PXDNL: variants seen among roughly 807,000 people sequenced by gnomAD.
The protein encoded by PXDNL is probable oxidoreductase PXDNL.
A neutral mutation model predicts 150.8 loss-of-function variants in PXDNL; 145 were observed. That is an observed-to-expected ratio of 0.96 (90% confidence interval 0.84 to 1.10). The LOEUF is 1.10. Ranked by LOEUF, PXDNL falls within the 50% of genes least tolerant of loss-of-function variation. PXDNL has a pLI of 0.00. For missense variants in PXDNL, 2,087 were observed against 1,873.9 expected, an observed-to-expected ratio of 1.11 and a Z score of -2.10; for synonymous variants, 757 against 725.7, an observed-to-expected ratio of 1.04 and a Z score of -0.69.
intron 1 of PXDNL, among the ~76,000 whole-genome samples, chr8:51,788,014 A>G (rs998068373): frequency 6.6e-6 from 1 of 152,246 alleles, no homozygotes; most frequent in African/African-American, 2.4e-5. Context: ...AATGATCATC[A>G]GCATGTTTTA....
In PXDNL at chr8:51,654,678, T is replaced by C. The variant is rs1411686724; in HGVS notation, c.236+11A>G. ...TTTTAGGAACCTTACAGATAAGCAA[T>C]AAGTACTCACAGTGTGTTCAAATTC... On this transcript the variant is annotated intron_variant, in intron 2 of 22. Transcript: ENST00000356297. The C allele has an allele frequency of 1.2e-6, 2 of 1,604,766 alleles. No homozygotes were observed. The highest frequency in any genetic ancestry group is 1.7e-6 in the Non-Finnish European group (2 of 1,172,228).
chr8:51,575,520 G>A (rs1007081899), intron 3 of PXDNL, among the ~76,000 whole-genome samples: 2 of 152,046 alleles, frequency 1.3e-5, no homozygotes, highest in African/African-American at 4.8e-5. Context: ...TTCTAGACCA[G>A]CTTGGCCAAT....
At chr8:51,566,978 T>C (rs1812842873) in intron 3 of PXDNL, among the ~76,000 whole-genome samples, 1 of 151,832 alleles carries the variant, frequency 6.6e-6, no homozygotes, top group Admixed American at 6.6e-5. Flanking sequence ...TGATGAGTTG[T>C]ATTTTTACTT....
intron 4 of PXDNL, among the ~76,000 whole-genome samples, chr8:51,518,522 G>A (rs768043665): frequency 6.6e-5 from 10 of 152,182 alleles, no homozygotes; most frequent in Non-Finnish European, 1.5e-4. Flanking sequence ...AAGTTGTCAG[G>A]TAAGATGTTA....
In PXDNL at chr8:51,608,002, G is replaced by GAAGAAAGAAAGAAA. The variant is rs1554557473; in HGVS notation, c.237-15318_237-15305dup. Among the ~76,000 whole-genome samples the GAAGAAAGAAAGAAA allele has an allele frequency of 2.6e-4, 17 of 64,678 alleles. 3 individuals are homozygous for GAAGAAAGAAAGAAA. The highest frequency in any genetic ancestry group is 1.3e-3 in the African/African-American group (16 of 12,026). The allele number at this position is 64,678 out of a possible 152,430, so 42.4% of individuals were successfully genotyped here. On this transcript the variant is annotated intron_variant, in intron 2 of 22. Transcript: ENST00000356297. Reference sequence around the variant, plus strand: ...GGAAGGAAGAGAGAGAGGAAGGAAGGAAGAAAGAAAGAAAGAAAGAAAGAA... The same window carrying GAAGAAAGAAAGAAA: ...GGAAGGAAGAGAGAGAGGAAGGAAGGAAGAAAGAAAGAAAAAGAAAGAAAGAAAGAAAGAAAGAA...
At chr8:51,468,022 T>A (rs1245531563) in intron 8 of PXDNL, among the ~76,000 whole-genome samples, 1 of 152,054 alleles carries the variant, frequency 6.6e-6, no homozygotes, top group African/African-American at 2.4e-5. Flanking sequence ...TAAATTGTAA[T>A]AAAAGAAAGG....
At chr8:51,723,638 G>C (rs779509653) in intron 1 of PXDNL, among the ~76,000 whole-genome samples, 50 of 152,292 alleles carry the variant, frequency 3.3e-4, no homozygotes, top group Middle Eastern at 3.4e-3. Context: ...GCAGTTCAGG[G>C]TCCCTATGTG....
intron 17 of PXDNL, among the ~76,000 whole-genome samples, chr8:51,382,006 T>C (rs1326849673): frequency 6.6e-6 from 1 of 152,168 alleles, no homozygotes; most frequent in Non-Finnish European, 1.5e-5. Context: ...GTTTGTTACA[T>C]ATGTATACAT....
intron 17 of PXDNL, 62 bp from the exon 18 acceptor site, chr8:51,374,793 T>G: frequency 6.5e-7 from 1 of 1,545,444 alleles, no homozygotes; most frequent in South Asian, 1.2e-5. Flanking sequence ...AAAATATTCC[T>G]TATGTGAATG....
chr8:51,761,192 T>C (rs1316884903), intron 1 of PXDNL, among the ~76,000 whole-genome samples: 6 of 152,020 alleles, frequency 3.9e-5, no homozygotes, highest in South Asian at 2.1e-4. Context: ...TTAAACTGTT[T>C]AGTATCTCCT....
At chr8:51,716,214 T>C (rs750506153) in intron 1 of PXDNL, among the ~76,000 whole-genome samples, 3 of 152,264 alleles carry the variant, frequency 2.0e-5, no homozygotes, top group Non-Finnish European at 4.4e-5. Flanking sequence ...GGCAAGATCC[T>C]AATGAACAAA....
chr8:51,495,959 C>G (rs1293252551), intron 5 of PXDNL, among the ~76,000 whole-genome samples: 1 of 152,074 alleles, frequency 6.6e-6, no homozygotes, highest in Admixed American at 6.6e-5. Context: ...ATACCAAAGC[C>G]TGGCAGAGAC....
At chr8:51,761,692 C>T (rs1446888082) in intron 1 of PXDNL, among the ~76,000 whole-genome samples, 2 of 152,054 alleles carry the variant, frequency 1.3e-5, no homozygotes, top group African/African-American at 4.8e-5. Flanking sequence ...CTGTACTTAC[C>T]TTATCTGAAA....
intron 1 of PXDNL, among the ~76,000 whole-genome samples, chr8:51,808,648 A>C (rs1187268131): frequency 3.9e-5 from 6 of 152,148 alleles, no homozygotes; most frequent in African/African-American, 9.7e-5. Context: ...CAAGAACTCT[A>C]CTGGACCATT....
At chr8:51,603,298 T>G (rs907575584) in intron 2 of PXDNL, among the ~76,000 whole-genome samples, 2 of 152,004 alleles carry the variant, frequency 1.3e-5, no homozygotes, top group Non-Finnish European at 2.9e-5. Flanking sequence ...AAAAATTTCC[T>G]TTGCATATTT....
chr8:51,509,763 C>T (rs947094478), intron 4 of PXDNL, among the ~76,000 whole-genome samples: 2 of 121,134 alleles, frequency 1.7e-5, no homozygotes, highest in African/African-American at 6.8e-5. Flanking sequence ...CACACACACA[C>T]ACACACACAC....
chr8:51,447,228 G>A (rs1809697294), intron 11 of PXDNL, 66 bp from the exon 12 acceptor site: 7 of 1,526,140 alleles, frequency 4.6e-6, no homozygotes, highest in East Asian at 2.3e-5. Flanking sequence ...GCTGCTGGCT[G>A]TCCTGGCTAA....
intron 4 of PXDNL, among the ~76,000 whole-genome samples, chr8:51,512,425 C>T (rs758175096): frequency 6.6e-6 from 1 of 152,140 alleles, no homozygotes; most frequent in Non-Finnish European, 1.5e-5. Context: ...ATACGTCCCC[C>T]TCTCAGCCAT....
intron 6 of PXDNL, among the ~76,000 whole-genome samples, chr8:51,482,264 T>C (rs371936254): frequency 6.6e-6 from 1 of 152,190 alleles, no homozygotes; most frequent in Non-Finnish European, 1.5e-5. Flanking sequence ...CCACTGGATT[T>C]TGGACTTGCA....
Sources: gnomAD v4.1 joint callset for allele counts (sites outside exome capture counted in the v4.1 genomes callset) on GRCh38, gnomAD v4.1.1 for gene constraint, MANE v1.5 for transcripts, NCBI Gene and HGNC (gene_info 2026-07-23, HGNC 2026-07-21) for gene names.